The following PTCH1 variants were observed in gnomAD, a reference collection of about 807,000 sequenced individuals.
PTCH1 encodes the protein protein patched homolog 1.
A neutral mutation model predicts 144.6 loss-of-function variants in PTCH1; 14 were observed. The ratio of observed to expected loss-of-function variants is 0.10; its 90% CI spans 0.06 to 0.15. The LOEUF (loss-of-function observed/expected upper bound fraction) is 0.15, where lower values mean the gene tolerates loss of function less well. Among genes scored for constraint, PTCH1 ranks in the 10% least tolerant of loss-of-function variants. The pLI is 1.00. For synonymous variants in PTCH1, 833 were observed against 793.6 expected (o/e 1.05, Z -0.83); for missense variants, 1,623 against 1,948.3 (o/e 0.83, Z 3.14).
intron 2 of PTCH1, among the ~76,000 whole-genome samples, chr9:95,491,016 CTAA>C (rs1259191947): frequency 6.6e-6 from 1 of 152,066 alleles, no homozygotes; most frequent in Non-Finnish European, 1.5e-5. Flanking sequence ...ATCAATAATA[CTAA>C]TAAACTATAA....
rs762152128 is a variant in PTCH1 at position 95,461,860 on chromosome 9, C to A, written c.2699G>T (p.Ser900Ile). ...TGSRDKPIDI[S>I]QLTKQRLVDA... ...AGTGCCCAGCAGCTGGAGTACCTGG[C>A]TGATGTCGATGGGCTTATCGCGGCT... The change falls in exon 16 of 24, where the codon AGC (serine) becomes ATC (isoleucine). Residue 900 changes from serine (S) to isoleucine (I), a missense_variant. Ser to Ile is a moderately radical substitution (Grantham distance 142). This residue lies in a region of PTCH1 where 504 missense variants were observed against 679.3 expected (regional missense o/e 0.74). Coordinates refer to ENST00000331920, the MANE Select transcript of PTCH1 (RefSeq NM_000264.5). The A allele has an allele frequency of 6.2e-7, 1 of 1,614,206 alleles. No homozygotes were observed. Among genetic ancestry groups the A allele is most frequent in the Non-Finnish European group, 8.5e-7 (1 of 1,180,040 alleles).
chr9:95,447,193 T>G lies in PTCH1; in HGVS notation c.4063A>C (p.Thr1355Pro). 1 of 1,612,962 alleles carries G rather than the reference T, an allele frequency of 6.2e-7. No homozygotes were observed. The highest frequency in any genetic ancestry group is 8.5e-7 in the Non-Finnish European group (1 of 1,179,910). ...RSHNPRNPAS[T>P]AMGSSVPGYC... ...CCGGGCACGGAGCTGCCCATGGCAG[T>G]GGACGCTGGGTTCCGAGGGTTGTGA... is the stretch of plus-strand genomic sequence containing the variant. Residue 1355 changes from threonine to proline, a missense_variant, in exon 23 of 24, where the codon ACT becomes CCT. By Grantham distance (38) the Thr-to-Pro change is conservative. Coordinates refer to ENST00000331920, the MANE Select transcript of PTCH1 (RefSeq NM_000264.5).
At chr9:95,497,726 G>A (rs1842880556) in intron 2 of PTCH1, among the ~76,000 whole-genome samples, 1 of 152,132 alleles carries the variant, frequency 6.6e-6, no homozygotes, top group African/African-American at 2.4e-5. Context: ...ACCCAATGAA[G>A]CAACACTATC....
chr9:95,463,685 G>A (rs558629908), intron 15 of PTCH1, among the ~76,000 whole-genome samples: 12 of 152,198 alleles, frequency 7.9e-5, no homozygotes, highest in Non-Finnish European at 1.0e-4. Flanking sequence ...GTGGGGTGGC[G>A]CTGGGCATCC....
intron 12 of PTCH1, among the ~76,000 whole-genome samples, chr9:95,470,463 G>A (rs1489077693): frequency 6.6e-6 from 1 of 152,182 alleles, no homozygotes; most frequent in African/African-American, 2.4e-5. Context: ...CCTGTGGGGT[G>A]TGAGAGCAAG....
At chr9:95,481,280 C>A (rs566227120) in intron 5 of PTCH1, among the ~76,000 whole-genome samples, 12 of 152,314 alleles carry the variant, frequency 7.9e-5, no homozygotes, top group African/African-American at 2.9e-4. Flanking sequence ...AAACTGTACA[C>A]TGAAGGTCAG....
rs528063565 is a variant in PTCH1 at position 95,507,961 on chromosome 9, C to A, written c.201+200G>T. On this transcript the variant is annotated intron_variant, in intron 1 of 23. Coordinates refer to ENST00000331920, the MANE Select transcript of PTCH1 (RefSeq NM_000264.5). ...CCACCCCCTGCGGACCTCAGACAGCCCTTTCCTCCCAGGACCAGAGGGAGG... is the reference window on the plus strand; with the variant it reads ...CCACCCCCTGCGGACCTCAGACAGCACTTTCCTCCCAGGACCAGAGGGAGG... The A allele has an allele frequency of 2.6e-5, 38 of 1,475,808 alleles. No homozygotes were observed. The East Asian group carries it at 8.9e-4, about 34-fold the overall frequency. 91.4% of individuals were successfully genotyped at this position (1,475,808 alleles called of 1,614,324 possible).
upstream of PTCH1, among the ~76,000 whole-genome samples, chr9:95,509,352 T>C (rs889519757): frequency 6.6e-6 from 1 of 152,120 alleles, no homozygotes; most frequent in African/African-American, 2.4e-5. Flanking sequence ...TGCGACGCGA[T>C]TGGCTCGCGG....
intron 1 of PTCH1, chr9:95,506,825 A>T: frequency 8.7e-7 from 1 of 1,147,186 alleles, no homozygotes; most frequent in South Asian, 4.0e-5. Context: ...CGGGGACATC[A>T]GGGCGCCCCC....
At position 95,449,751 on chromosome 9, in the gene PTCH1, G is replaced by A; in HGVS notation, c.3549+90C>T. 2.5e-6 allele frequency: 3 copies of A among 1,185,332 alleles called. No homozygotes were observed. The highest frequency in any genetic ancestry group is 1.9e-5 in the Admixed American group (1 of 53,226). The allele number at this position is 1,185,332 out of a possible 1,614,324, so 73.4% of individuals were successfully genotyped here. A position where few individuals can be genotyped will look rare whatever the true frequency, so the allele number is the denominator to read the frequency against. The stretch of plus-strand genomic sequence containing the variant: ...TTACTGAAGAACCACCAGCAAGTGG[G>A]GAGGCACCTAAGTATCGAAGTGAAG... On this transcript the variant is annotated intron_variant, in intron 21 of 23. Coordinates refer to ENST00000331920, the MANE Select transcript of PTCH1 (RefSeq NM_000264.5). The surrounding 1 kb of genome is among the most constrained non-coding windows in gnomAD (Gnocchi z 5.3).
Position 95,508,511 on chromosome 9 carries a change from T to C in PTCH1, c.-150A>G, listed in dbSNP as rs1843935576. On this transcript the variant is annotated 5_prime_UTR_variant, in exon 1 of 24. Transcript: ENST00000331920. ...AGGCTGCTCGGGCTCGGGCTCCGGT[T>C]GACAGACCAGCCGCTGCTGCTGCTC... 2 of 1,016,574 alleles carry C rather than the reference T, an allele frequency of 2.0e-6. No individual in the cohort carries two copies. The highest frequency in any genetic ancestry group is 1.2e-4 in the Admixed American group (2 of 17,298). The allele number at this position is 1,016,574 out of a possible 1,614,324, so 63.0% of individuals were successfully genotyped here.
chr9:95,475,797 T>G (rs1455653631), intron 12 of PTCH1, among the ~76,000 whole-genome samples: 1 of 152,074 alleles, frequency 6.6e-6, no homozygotes, highest in African/African-American at 2.4e-5. Context: ...AACAGACGTC[T>G]GGGCTTCATA....
At chr9:95,456,076 C>T (rs1838894852) in intron 19 of PTCH1, among the ~76,000 whole-genome samples, 200 bp downstream of exon 19, 1 of 152,196 alleles carries the variant, frequency 6.6e-6, no homozygotes, top group African/African-American at 2.4e-5. Flanking sequence ...CTGCCATGTA[C>T]CTTCCATACC....
In PTCH1 at chr9:95,453,666, T is replaced by C. The variant is rs759050170; in HGVS notation, c.3307-46A>G. On this transcript the variant is annotated intron_variant, in intron 19 of 23. Transcript: ENST00000331920. ...CAAGATCAGGTTGCTGGACTTCACC[T>C]GGTAAATGCTCAGCTCTGTCCTAAA... 8.7e-6 allele frequency: 14 copies of C among 1,609,342 alleles called. 1 individual carries two copies. In the South Asian group the frequency reaches 1.1e-4, roughly 13 times the overall value.
chr9:95,473,542 A>ATT (rs34481207), intron 12 of PTCH1, among the ~76,000 whole-genome samples: 34 of 119,006 alleles, frequency 2.9e-4, no homozygotes, highest in Non-Finnish European at 3.6e-4. Context: ...TTTCTATCCT[A>ATT]TTTTTTTTTT....
intron 5 of PTCH1, 66 bp downstream of exon 5, chr9:95,481,883 A>C: frequency 7.4e-7 from 1 of 1,354,962 alleles, no homozygotes; most frequent in Non-Finnish European, 1.1e-6. Flanking sequence ...AACAATGATA[A>C]GCAACATTAG....
rs1337566553 is a variant in PTCH1, at chr9:95,508,640, C to T, written c.-279G>A. The T allele has an allele frequency of 5.1e-6, 5 of 989,036 alleles. No individual in the cohort carries two copies. In the African/African-American group the frequency reaches 7.0e-5, roughly 14 times the overall value. The allele number at this position is 989,036 out of a possible 1,614,324, so 61.3% of individuals were successfully genotyped here. A position where few individuals can be genotyped will look rare whatever the true frequency, so the allele number is the denominator to read the frequency against. Reference sequence around the variant, plus strand: ...GCGGGGGTCCCGAGGTCTCTGCGGCCGCCGCTGCCCACATCCAGTTCGCGG... The same window carrying T: ...GCGGGGGTCCCGAGGTCTCTGCGGCTGCCGCTGCCCACATCCAGTTCGCGG... On this transcript the variant is annotated 5_prime_UTR_variant, in exon 1 of 24. Coordinates refer to ENST00000331920, the MANE Select transcript of PTCH1 (RefSeq NM_000264.5).
rs1436782460 is a variant in PTCH1 at position 95,507,048 on chromosome 9, C to T, written c.202-449G>A. ...CACCCTCGGGGACGGGCGCTAGGGG[C>T]GAGCGCTCTTTGGAACAACATATTG... On this transcript the variant is annotated intron_variant, in intron 1 of 23. Transcript: ENST00000331920. 10 of 987,640 alleles carry T rather than the reference C, an allele frequency of 1.0e-5. No individual in the cohort carries two copies. In the East Asian group the frequency reaches 8.9e-4, roughly 88 times the overall value. The allele number at this position is 987,640 out of a possible 1,614,324, so 61.2% of individuals were successfully genotyped here. A position where few individuals can be genotyped will look rare whatever the true frequency, so the allele number is the denominator to read the frequency against.
At chr9:95,463,240 G>C (rs543433530) in intron 15 of PTCH1, among the ~76,000 whole-genome samples, 9 of 152,160 alleles carry the variant, frequency 5.9e-5, no homozygotes, top group Non-Finnish European at 2.9e-5. Flanking sequence ...GGGAGGGAGG[G>C]GGAGCACAGG....
Sources: allele counts gnomAD v4.1 joint callset (sites outside exome capture counted in the v4.1 genomes callset), GRCh38; gene constraint gnomAD v4.1.1; regional missense constraint gnomAD v4.1.1; non-coding constraint Gnocchi (gnomAD v3.1); transcripts MANE v1.5; gene names NCBI Gene and HGNC (gene_info 2026-07-23, HGNC 2026-07-21).